NMT2: variants seen among roughly 807,000 people sequenced by gnomAD.
The protein encoded by NMT2 is N-myristoyltransferase 2.
Under a neutral mutation model 65.4 loss-of-function variants are expected in NMT2, and 35 were observed. The observed-to-expected ratio is 0.54, with a 90% CI of 0.41 to 0.71. The LOEUF is 0.71. Ranked by LOEUF, NMT2 falls within the 30% of genes least tolerant of loss-of-function variation. The pLI is 0.00. For missense variants in NMT2, 489 were observed against 611.3 expected (o/e 0.80, Z 2.11); for synonymous variants, 226 against 231.8 (o/e 0.98, Z 0.23).
chr10:15,116,051 G>A (rs74835664), intron 9 of NMT2, among the ~76,000 whole-genome samples: 3,272 of 152,284 alleles, frequency 0.021, 111 homozygotes, highest in African/African-American at 0.074. Flanking sequence ...CATGGAAACA[G>A]AAGAGCTGAA....
intron 1 of NMT2, among the ~76,000 whole-genome samples, chr10:15,151,208 G>A (rs1334335553): frequency 3.3e-5 from 5 of 152,054 alleles, no homozygotes; most frequent in East Asian, 1.9e-4. Flanking sequence ...ACAGGCATGC[G>A]CCACCATGCT....
chr10:15,108,740 A>C lies in NMT2; in HGVS notation c.*455T>G. 9.8e-7 allele frequency: 1 copy of C among 1,018,836 alleles called. No individual in the cohort carries two copies. The highest frequency in any genetic ancestry group is 1.2e-6 in the Non-Finnish European group (1 of 852,828). 63.1% of individuals were successfully genotyped at this position (1,018,836 alleles called of 1,614,324 possible). On this transcript the variant is annotated 3_prime_UTR_variant, in exon 12 of 12. Coordinates refer to ENST00000378165, the MANE Select transcript of NMT2 (RefSeq NM_004808.3). The stretch of plus-strand genomic sequence containing the variant: ...TGATACCATGTAAGGTGATACCAGT[A>C]AAAAAAATTTCCAAATGGATCTTTT...
At chr10:15,118,136 C>T (rs892573989) in intron 9 of NMT2, among the ~76,000 whole-genome samples, 7 of 152,238 alleles carry the variant, frequency 4.6e-5, no homozygotes, top group Middle Eastern at 3.4e-3. Context: ...GCTATAGCAA[C>T]GAGGTCAGTG....
intron 1 of NMT2, among the ~76,000 whole-genome samples, chr10:15,153,632 T>C (rs950381581): frequency 6.6e-6 from 1 of 152,020 alleles, no homozygotes; most frequent in Admixed American, 6.6e-5. Context: ...TACACACAGA[T>C]GTTTTGTTTT....
rs1564568492 is a variant in NMT2, at chr10:15,127,580, AAATAAAT to A, written c.999+763_999+769del. Reference sequence around the variant, plus strand: ...AAAAAAAAAAAAAAAATAAATAAATAAATAAATAAATAAATAAAATAAAATAAATAAA... The same window carrying A: ...AAAAAAAAAAAAAAAATAAATAAATAAAATAAATAAAATAAAATAAATAAA... On this transcript the variant is annotated intron_variant, in intron 8 of 11. Transcript: ENST00000378165. Among the ~76,000 whole-genome samples, 19 of 71,498 alleles carry A rather than the reference AAATAAAT, an allele frequency of 2.7e-4. 2 individuals are homozygous for A. Among genetic ancestry groups the A allele is most frequent in the African/African-American group, 2.6e-3 (19 of 7,308 alleles). 46.9% of individuals were successfully genotyped at this position (71,498 alleles called of 152,430 possible). A position where few individuals can be genotyped will look rare whatever the true frequency, so the allele number is the denominator to read the frequency against.
intron 9 of NMT2, among the ~76,000 whole-genome samples, chr10:15,115,166 T>C (rs1455063402): frequency 1.3e-5 from 2 of 152,118 alleles, no homozygotes; most frequent in Admixed American, 6.6e-5. Context: ...TCTTGAAGCA[T>C]CAGGAAGGAG....
At chr10:15,144,697 C>G (rs867268524) in intron 1 of NMT2, among the ~76,000 whole-genome samples, 1 of 151,982 alleles carries the variant, frequency 6.6e-6, no homozygotes, top group Non-Finnish European at 1.5e-5. Context: ...CACCACTGCA[C>G]TCCAGCCTGG....
At chr10:15,148,859 A>T (rs1028312097) in intron 1 of NMT2, among the ~76,000 whole-genome samples, 14 of 152,348 alleles carry the variant, frequency 9.2e-5, no homozygotes, top group African/African-American at 3.4e-4. Flanking sequence ...ATGAATAAGC[A>T]CTTGACAAAA....
At chr10:15,117,500 A>C (rs1845784075) in intron 9 of NMT2, among the ~76,000 whole-genome samples, 1 of 152,196 alleles carries the variant, frequency 6.6e-6, no homozygotes, top group Admixed American at 6.5e-5. Flanking sequence ...GAGGATGACA[A>C]CCTTCCCCAC....
At chr10:15,153,633 GT>G (rs776395550) in intron 1 of NMT2, among the ~76,000 whole-genome samples, 6 of 152,066 alleles carry the variant, frequency 3.9e-5, no homozygotes, top group Non-Finnish European at 8.8e-5. Context: ...ACACACAGAT[GT>G]TTTGTTTTAT....
chr10:15,145,848 G>C (rs148191518), intron 1 of NMT2, among the ~76,000 whole-genome samples: 209 of 152,290 alleles, frequency 1.4e-3, no homozygotes, highest in African/African-American at 4.9e-3. Context: ...GCGTCCCACA[G>C]GACTCCAGGT....
At chr10:15,128,895 C>T (rs1846184169) in intron 7 of NMT2, among the ~76,000 whole-genome samples, 1 of 152,132 alleles carries the variant, frequency 6.6e-6, no homozygotes, top group South Asian at 2.1e-4. Context: ...ATCCCAGCTA[C>T]TCGGGAGGCT....
chr10:15,108,837 A>T lies in NMT2; in HGVS notation c.*358T>A. 9.4e-7 allele frequency: 1 copy of T among 1,062,272 alleles called. No homozygotes were observed. Among genetic ancestry groups the T allele is most frequent in the Non-Finnish European group, 1.1e-6 (1 of 880,102 alleles). 65.8% of individuals were successfully genotyped at this position (1,062,272 alleles called of 1,614,324 possible). On this transcript the variant is annotated 3_prime_UTR_variant, in exon 12 of 12. Transcript: ENST00000378165. ...CAGCAATTTCTCTCCACACAATAGC[A>T]AAGATTTTCTTACATGACTCTGTAA...
rs772973798 is a variant in NMT2 at position 15,127,567 on chromosome 10, A to AAAAT, written c.999+779_999+782dup. On this transcript the variant is annotated intron_variant, in intron 8 of 11. Transcript: ENST00000378165. ...GTCTCAAAAAAAAAAAAAAAAAAAA[A>AAAAT]AAATAAATAAATAAATAAATAAATA... Among the ~76,000 whole-genome samples the AAAAT allele has an allele frequency of 4.0e-3, 364 of 90,046 alleles. 3 individuals are homozygous for AAAAT. Among genetic ancestry groups the AAAAT allele is most frequent in the Non-Finnish European group, 4.9e-3 (261 of 53,794 alleles). 59.1% of individuals were successfully genotyped at this position (90,046 alleles called of 152,430 possible).
At chr10:15,127,572 A>T (rs1589311042) in intron 8 of NMT2, among the ~76,000 whole-genome samples, 1 of 107,460 alleles carries the variant, frequency 9.3e-6, no homozygotes, top group Non-Finnish European at 1.8e-5. Context: ...AAAAAAAAAT[A>T]AATAAATAAA....
At chr10:15,155,149 C>G (rs747587800) in intron 1 of NMT2, 1 of 1,521,152 alleles carries the variant, frequency 6.6e-7, no homozygotes, top group Non-Finnish European at 9.1e-7. Flanking sequence ...CACAAAAGCC[C>G]TAGAATAATT....
At position 15,108,821 on chromosome 10, in the gene NMT2, C is replaced by T. The variant is rs1304100277; in HGVS notation, c.*374G>A. On this transcript the variant is annotated 3_prime_UTR_variant, in exon 12 of 12. Transcript: ENST00000378165. ...TTAAGAAACAGAAATGCAGCAATTT[C>T]TCTCCACACAATAGCAAAGATTTTC... The T allele has an allele frequency of 1.2e-5, 12 of 1,041,004 alleles. No individual in the cohort carries two copies. Among genetic ancestry groups the T allele is most frequent in the Non-Finnish European group, 1.3e-5 (11 of 866,746 alleles). The allele number at this position is 1,041,004 out of a possible 1,614,324, so 64.5% of individuals were successfully genotyped here. A position where few individuals can be genotyped will look rare whatever the true frequency, so the allele number is the denominator to read the frequency against.
chr10:15,165,542 T>C (rs1471119455), intron 1 of NMT2, among the ~76,000 whole-genome samples: 2 of 152,194 alleles, frequency 1.3e-5, no homozygotes, highest in African/African-American at 4.8e-5. Context: ...GAAAGTTTTA[T>C]AGTGGTTTGC....
intron 2 of NMT2, chr10:15,139,762 A>G (rs187184724): frequency 4.6e-4 from 69 of 151,180 alleles, no homozygotes; most frequent in Non-Finnish European, 8.7e-4. Context: ...AAAACAGGTG[A>G]CAACATCAAA....
Sources: gnomAD v4.1 joint callset for allele counts (sites outside exome capture counted in the v4.1 genomes callset) on GRCh38, gnomAD v4.1.1 for gene constraint, MANE v1.5 for transcripts, NCBI Gene and HGNC (gene_info 2026-07-23, HGNC 2026-07-21) for gene names.